PPARGC1A: variants seen among roughly 807,000 people sequenced by gnomAD.
PPARGC1A encodes PPARG coactivator 1 alpha.
A neutral mutation model predicts 88.7 loss-of-function variants in PPARGC1A; 25 were observed. That is an observed-to-expected ratio of 0.28 (90% CI 0.21 to 0.39). PPARGC1A has a LOEUF of 0.39. Ranked by LOEUF, PPARGC1A falls within the 10% of genes least tolerant of loss-of-function variation. The probability of loss-of-function intolerance (pLI) is 1.00; values close to 1 mark genes in which losing one functional copy is unlikely to be tolerated. For synonymous variants in PPARGC1A, 363 were observed against 355.6 expected, an observed-to-expected ratio of 1.02 and a Z score of -0.24; for missense variants, 880 against 968.7, an observed-to-expected ratio of 0.91 and a Z score of 1.22.
chr4:24,116,348 A>T, the PPARGC1A span, among the ~76,000 whole-genome samples: 1 of 152,208 alleles, frequency 6.6e-6, no homozygotes, highest in East Asian at 1.9e-4. Flanking sequence ...CAAAAGCCAT[A>T]TCAACATCTA....
At chr4:24,162,967 A>G in the PPARGC1A span, among the ~76,000 whole-genome samples, 3 of 151,916 alleles carry the variant, frequency 2.0e-5, no homozygotes, top group East Asian at 5.8e-4. Flanking sequence ...TCTTCTAATG[A>G]CAATAAGATA....
At chr4:24,191,614 CT>C in the PPARGC1A span, among the ~76,000 whole-genome samples, 8 of 152,006 alleles carry the variant, frequency 5.3e-5, no homozygotes, top group African/African-American at 1.7e-4. Flanking sequence ...TTCCAACCAC[CT>C]TTTTAACAAG....
chr4:24,354,400 C>T, the PPARGC1A span, among the ~76,000 whole-genome samples: 2,610 of 152,312 alleles, frequency 0.017, 61 homozygotes, highest in African/African-American at 0.06. Context: ...ATTATTCTGA[C>T]TACCACACAA....
chr4:24,229,384 G>A, the PPARGC1A span, among the ~76,000 whole-genome samples: 3 of 149,652 alleles, frequency 2.0e-5, no homozygotes, highest in African/African-American at 7.3e-5. Flanking sequence ...TCTGACCTCA[G>A]GTGATCTGCC....
At chr4:23,812,563 G>A (rs907432572) in intron 10 of PPARGC1A, among the ~76,000 whole-genome samples, 184 bp downstream of exon 10, 1 of 152,082 alleles carries the variant, frequency 6.6e-6, no homozygotes, top group Non-Finnish European at 1.5e-5. Flanking sequence ...TAAACATTTT[G>A]TTTTCCAATA....
the PPARGC1A span, among the ~76,000 whole-genome samples, chr4:24,366,368 G>A: frequency 6.6e-6 from 1 of 152,102 alleles, no homozygotes; most frequent in African/African-American, 2.4e-5. Context: ...ATTTATGTGG[G>A]AGCTGAAATT....
the PPARGC1A span, among the ~76,000 whole-genome samples, chr4:24,444,594 T>C: frequency 1.5e-4 from 23 of 152,314 alleles, no homozygotes; most frequent in Non-Finnish European, 2.9e-4. Context: ...TACAGGGTCA[T>C]GCATGAGCCA....
the PPARGC1A span, among the ~76,000 whole-genome samples, chr4:24,073,927 G>C: frequency 1.3e-5 from 2 of 152,034 alleles, no homozygotes; most frequent in Admixed American, 1.3e-4. Flanking sequence ...TGATGTCTCT[G>C]GACTCCTGAT....
At chr4:24,385,561 T>G in the PPARGC1A span, among the ~76,000 whole-genome samples, 1 of 151,982 alleles carries the variant, frequency 6.6e-6, no homozygotes, top group Non-Finnish European at 1.5e-5. Context: ...AAAGAGGATA[T>G]CACCACTGAT....
chr4:24,096,865 C>G, the PPARGC1A span, among the ~76,000 whole-genome samples: 1 of 152,008 alleles, frequency 6.6e-6, no homozygotes, highest in Non-Finnish European at 1.5e-5. Context: ...TATATATATA[C>G]GAAAAACCTA....
chr4:24,132,535 T>C, the PPARGC1A span, among the ~76,000 whole-genome samples: 1 of 152,154 alleles, frequency 6.6e-6, no homozygotes, highest in Non-Finnish European at 1.5e-5. Context: ...CCTCAATGAC[T>C]TTCTTCTCTT....
At chr4:24,111,485 AAATGT>A in the PPARGC1A span, among the ~76,000 whole-genome samples, 1 of 152,206 alleles carries the variant, frequency 6.6e-6, no homozygotes, top group Non-Finnish European at 1.5e-5. Context: ...TTGTTAATAA[AAATGT>A]TGTGGAAACT....
At chr4:23,903,193 G>A (rs191325181), upstream of PPARGC1A, among the ~76,000 whole-genome samples, 1,756 of 152,258 alleles carry the variant, frequency 0.012, 16 homozygotes, top group South Asian at 0.023. Context: ...TGAGAAAAAA[G>A]AATATCAAGC....
At chr4:23,956,165 G>T in the PPARGC1A span, among the ~76,000 whole-genome samples, 1 of 152,068 alleles carries the variant, frequency 6.6e-6, no homozygotes, top group African/African-American at 2.4e-5. Flanking sequence ...CACAAAAACA[G>T]CTAGTGGGCT....
chr4:24,066,070 C>G, the PPARGC1A span, among the ~76,000 whole-genome samples: 2 of 140,894 alleles, frequency 1.4e-5, 1 homozygote, highest in Non-Finnish European at 3.1e-5. Flanking sequence ...GTGCACTTCT[C>G]TTTGCCTTCC....
the PPARGC1A span, among the ~76,000 whole-genome samples, chr4:24,244,102 AC>A: frequency 6.6e-6 from 1 of 152,136 alleles, no homozygotes; most frequent in African/African-American, 2.4e-5. Context: ...CCACCAGGAA[AC>A]TTTTCTCTTC....
intron 12 of PPARGC1A, among the ~76,000 whole-genome samples, chr4:23,800,109 A>ACAT (rs1211669173): frequency 2.6e-5 from 4 of 152,188 alleles, no homozygotes; most frequent in Non-Finnish European, 4.4e-5. Flanking sequence ...CTCTAGGAAG[A>ACAT]CATCCCTTCG....
the PPARGC1A span, among the ~76,000 whole-genome samples, chr4:24,460,579 CA>C: frequency 0.36 from 54,767 of 151,930 alleles, 11,764 homozygotes; most frequent in African/African-American, 0.59. Flanking sequence ...CTATCAGGGT[CA>C]AAAAAATCAA....
At chr4:24,332,351 T>C in the PPARGC1A span, among the ~76,000 whole-genome samples, 12 of 152,168 alleles carry the variant, frequency 7.9e-5, no homozygotes, top group East Asian at 2.3e-3. Flanking sequence ...CAAGCAGGCT[T>C]AGTACGACAT....
Sources: gnomAD v4.1 joint callset for allele counts (sites outside exome capture counted in the v4.1 genomes callset) on GRCh38, gnomAD v4.1.1 for gene constraint, MANE v1.5 for transcripts, NCBI Gene and HGNC (gene_info 2026-07-23, HGNC 2026-07-21) for gene names.